GABRG3: variants seen among roughly 807,000 people sequenced by gnomAD.
GABRG3 encodes the protein gamma-aminobutyric acid type A receptor subunit gamma3.
In GABRG3, 25 loss-of-function variants were observed where a neutral mutation model predicts 48.8. The ratio of observed to expected loss-of-function variants is 0.51; its 90% CI spans 0.37 to 0.72. The LOEUF is 0.72. Ranked by LOEUF, GABRG3 falls within the 30% of genes least tolerant of loss-of-function variation. The pLI is 0.00. For missense variants in GABRG3, 394 were observed against 577.9 expected, an observed-to-expected ratio of 0.68 and a Z score of 3.26; for synonymous variants, 227 against 217.6, an observed-to-expected ratio of 1.04 and a Z score of -0.38.
At chr15:27,388,834 G>A (rs1481255607) in intron 5 of GABRG3, among the ~76,000 whole-genome samples, 1 of 152,082 alleles carries the variant, frequency 6.6e-6, no homozygotes, top group Middle Eastern at 3.2e-3. Flanking sequence ...CCCCATGGAA[G>A]AAGAAGAGCT....
chr15:27,353,287 G>T (rs576064733), intron 5 of GABRG3, among the ~76,000 whole-genome samples: 1 of 152,114 alleles, frequency 6.6e-6, no homozygotes, highest in African/African-American at 2.4e-5. Context: ...CACTCTGCTT[G>T]CTCCTGCATA....
At chr15:27,016,240 C>CTTTCT (rs1555398310) in intron 2 of GABRG3, among the ~76,000 whole-genome samples, 16 of 140,724 alleles carry the variant, frequency 1.1e-4, no homozygotes, top group Middle Eastern at 3.7e-3. Flanking sequence ...TTCTTTCTTT[C>CTTTCT]TTTTTTTTTT....
chr15:27,514,842 G>A (rs1228904735), intron 6 of GABRG3, among the ~76,000 whole-genome samples: 1 of 152,170 alleles, frequency 6.6e-6, no homozygotes, highest in African/African-American at 2.4e-5. Flanking sequence ...CAGATGACTG[G>A]AAGTGGCAAT....
intron 3 of GABRG3, among the ~76,000 whole-genome samples, chr15:27,062,434 T>TAAA (rs57903886): frequency 0.072 from 2,349 of 32,796 alleles, 315 homozygotes; most frequent in African/African-American, 0.15. Context: ...CCATCTCTAC[T>TAAA]AAAAAAAAAA....
chr15:27,495,948 T>C (rs1326228041), intron 6 of GABRG3, among the ~76,000 whole-genome samples: 3 of 152,228 alleles, frequency 2.0e-5, no homozygotes, highest in Non-Finnish European at 2.9e-5. Flanking sequence ...ATGAAGCCTC[T>C]TTTGACACTG....
At position 26,982,922 on chromosome 15, in the gene GABRG3, T is replaced by C. The variant is rs560756689; in HGVS notation, c.202+5772T>C. On this transcript the variant is annotated intron_variant, in intron 2 of 9. Coordinates refer to ENST00000615808, the MANE Select transcript of GABRG3 (RefSeq NM_033223.5). Reference sequence around the variant, plus strand: ...GGCTGATGAAAGCACCCATGATCCCTGGGACAAATTAGGACTTGTCTGCCT... The same window carrying C: ...GGCTGATGAAAGCACCCATGATCCCCGGGACAAATTAGGACTTGTCTGCCT... 2.0e-5 allele frequency among the ~76,000 whole-genome samples: 3 copies of C among 152,322 alleles called. No individual in the cohort carries two copies. In the East Asian group the frequency reaches 5.8e-4, roughly 29 times the overall value.
At chr15:27,398,086 G>A (rs1887369412) in intron 5 of GABRG3, among the ~76,000 whole-genome samples, 1 of 152,156 alleles carries the variant, frequency 6.6e-6, no homozygotes, top group Non-Finnish European at 1.5e-5. Flanking sequence ...TTACAGGTGT[G>A]AGCCACTGTG....
At chr15:27,284,812 G>A (rs1181490745) in intron 3 of GABRG3, among the ~76,000 whole-genome samples, 1 of 152,188 alleles carries the variant, frequency 6.6e-6, no homozygotes, top group African/African-American at 2.4e-5. Context: ...AAAAACACTT[G>A]TATCTGTGTT....
intron 5 of GABRG3, among the ~76,000 whole-genome samples, chr15:27,391,752 G>C (rs1887137567): frequency 1.3e-5 from 2 of 152,308 alleles, no homozygotes; most frequent in African/African-American, 2.4e-5. Flanking sequence ...ACTGGACCAG[G>C]CTTCTATTTT....
At chr15:27,336,202 G>GAAA (rs1209105425) in intron 5 of GABRG3, among the ~76,000 whole-genome samples, 1 of 127,748 alleles carries the variant, frequency 7.8e-6, no homozygotes, top group South Asian at 2.5e-4. Context: ...AAGAAAGAAA[G>GAAA]AAAGAAAGAG....
chr15:27,463,830 C>G (rs1377410218), intron 5 of GABRG3, among the ~76,000 whole-genome samples: 3 of 152,192 alleles, frequency 2.0e-5, no homozygotes, highest in Admixed American at 1.3e-4. Flanking sequence ...CTCCTTAAAG[C>G]TAGATGTTCA....
chr15:27,126,085 A>T (rs1160482131), intron 3 of GABRG3, among the ~76,000 whole-genome samples: 2 of 152,212 alleles, frequency 1.3e-5, no homozygotes, highest in Non-Finnish European at 2.9e-5. Context: ...ATCCACGGGG[A>T]GATTGGAGAG....
chr15:27,335,063 TATATC>T (rs1304158316), intron 5 of GABRG3, among the ~76,000 whole-genome samples: 6 of 152,332 alleles, frequency 3.9e-5, no homozygotes, highest in Non-Finnish European at 2.9e-5. Context: ...TGAACAATAT[TATATC>T]ATATGCAATA....
At chr15:27,193,433 C>T (rs1202508840) in intron 3 of GABRG3, among the ~76,000 whole-genome samples, 1 of 151,390 alleles carries the variant, frequency 6.6e-6, no homozygotes, top group East Asian at 1.9e-4. Context: ...GCGGGCGCCC[C>T]TCCCCCAGCC....
intron 3 of GABRG3, among the ~76,000 whole-genome samples, chr15:27,182,955 G>A (rs1887979574): frequency 6.6e-6 from 1 of 152,144 alleles, no homozygotes. Flanking sequence ...GCCAAATAGA[G>A]CGAAAACAAT....
chr15:26,979,292 G>A (rs1895008993), intron 2 of GABRG3, among the ~76,000 whole-genome samples: 1 of 152,052 alleles, frequency 6.6e-6, no homozygotes, highest in South Asian at 2.1e-4. Context: ...CTGCAAATAA[G>A]GAGAGTGTTC....
chr15:27,133,783 G>A (rs780938423), intron 3 of GABRG3, among the ~76,000 whole-genome samples: 1 of 152,182 alleles, frequency 6.6e-6, no homozygotes, highest in Non-Finnish European at 1.5e-5. Context: ...ATGCAATTGG[G>A]CTGTTAACTT....
In GABRG3 at chr15:27,532,657, T is replaced by C; in HGVS notation, c.1180T>C (p.Ser394Pro). ...AACTGCGATGATCACTTTAAACAAT[T>C]CCGTTTACTGGCAGGAATTTGAAGA... ...PPTAMITLNN[S>P]VYWQEFEDTC... Residue 394 changes from serine (S) to proline (P), a missense_variant, in exon 10 of 10, where the codon TCC becomes CCC. Around this residue, in one of 3 missense-constraint regions of GABRG3, gnomAD observed 126 missense variants for 155.5 expected, o/e 0.81. Transcript: ENST00000615808. 6.2e-7 allele frequency: 1 copy of C among 1,613,998 alleles called. No homozygotes were observed.
intron 2 of GABRG3, among the ~76,000 whole-genome samples, chr15:27,016,182 T>C (rs943531689): frequency 3.3e-5 from 5 of 151,988 alleles, no homozygotes; most frequent in Non-Finnish European, 7.4e-5. Flanking sequence ...ATAGCAGCTC[T>C]AGTCATGATG....
Sources: gnomAD v4.1 joint callset for allele counts (sites outside exome capture counted in the v4.1 genomes callset) on GRCh38, gnomAD v4.1.1 for gene constraint, gnomAD v4.1.1 regional missense constraint, MANE v1.5 for transcripts, NCBI Gene and HGNC (gene_info 2026-07-23, HGNC 2026-07-21) for gene names.